CSMD1: variants seen among roughly 807,000 people sequenced by gnomAD.
CSMD1 encodes the protein CUB and Sushi multiple domains 1.
In CSMD1, 213 loss-of-function variants were observed where a neutral mutation model predicts 417.5. That is an observed-to-expected ratio of 0.51 (90% confidence interval 0.46 to 0.57). The LOEUF (loss-of-function observed/expected upper bound fraction) is 0.57, where lower values mean the gene tolerates loss of function less well. Among genes scored for constraint, CSMD1 ranks in the 20% least tolerant of loss-of-function variants. The pLI, the probability that CSMD1 is intolerant of heterozygous loss-of-function variation, is 0.00. For synonymous variants in CSMD1, 2,862 were observed against 1,736.8 expected, an observed-to-expected ratio of 1.65 and a Z score of -16.11; for missense variants, 6,923 against 4,529.7, an observed-to-expected ratio of 1.53 and a Z score of -15.17.
chr8:3,773,073 C>T (rs1283159390), intron 5 of CSMD1, among the ~76,000 whole-genome samples: 1 of 152,160 alleles, frequency 6.6e-6, no homozygotes, highest in Non-Finnish European at 1.5e-5. Context: ...GGGGCCTCTT[C>T]TATAAGGACA....
intron 10 of CSMD1, among the ~76,000 whole-genome samples, chr8:3,499,100 T>A (rs73176912): frequency 0.38 from 58,001 of 152,100 alleles, 12,000 homozygotes; most frequent in Middle Eastern, 0.49. Context: ...TATCTATACA[T>A]CTGACAAAAC....
At chr8:4,204,771 C>G (rs931338685) in intron 3 of CSMD1, among the ~76,000 whole-genome samples, 4 of 152,150 alleles carry the variant, frequency 2.6e-5, no homozygotes, top group Non-Finnish European at 5.9e-5. Context: ...CCTCCTGCCT[C>G]AGCCTCCTGA....
At chr8:3,830,538 G>A (rs1802317867) in intron 5 of CSMD1, among the ~76,000 whole-genome samples, 1 of 152,134 alleles carries the variant, frequency 6.6e-6, no homozygotes, top group African/African-American at 2.4e-5. Context: ...GTATCTCAAA[G>A]ACCTCCTGGC....
chr8:3,584,821 G>A (rs556189955), intron 9 of CSMD1, among the ~76,000 whole-genome samples: 2 of 152,254 alleles, frequency 1.3e-5, no homozygotes, highest in African/African-American at 2.4e-5. Flanking sequence ...AATAATCCAT[G>A]TGACTCGTTC....
chr8:4,526,156 G>A (rs1233683908), intron 2 of CSMD1, among the ~76,000 whole-genome samples: 1 of 152,164 alleles, frequency 6.6e-6, no homozygotes, highest in Non-Finnish European at 1.5e-5. Flanking sequence ...GTTGTTAAGA[G>A]AGAACCAACA....
intron 52 of CSMD1, among the ~76,000 whole-genome samples, chr8:3,011,015 C>T (rs623232): frequency 3.9e-5 from 6 of 152,098 alleles, no homozygotes; most frequent in Non-Finnish European, 7.3e-5. Flanking sequence ...CGTGAGCCAC[C>T]GCGCCCTGCC....
At chr8:4,322,933 C>T (rs970418301) in intron 3 of CSMD1, among the ~76,000 whole-genome samples, 2 of 152,168 alleles carry the variant, frequency 1.3e-5, no homozygotes, top group African/African-American at 4.8e-5. Flanking sequence ...TGCAGTGAGC[C>T]TAGATCGTGC....
chr8:3,689,385 A>G (rs1206603255), intron 7 of CSMD1, among the ~76,000 whole-genome samples: 1 of 152,210 alleles, frequency 6.6e-6, no homozygotes, highest in East Asian at 1.9e-4. Context: ...GAAATGCCAG[A>G]GTCCCCTTCG....
intron 5 of CSMD1, among the ~76,000 whole-genome samples, chr8:3,839,758 C>A (rs1802995205): frequency 6.6e-6 from 1 of 151,120 alleles, no homozygotes; most frequent in Non-Finnish European, 1.5e-5. Flanking sequence ...TGAGTGCTGC[C>A]ACTGCTCAGA....
At chr8:3,800,556 G>C (rs1010659454) in intron 5 of CSMD1, among the ~76,000 whole-genome samples, 8 of 152,080 alleles carry the variant, frequency 5.3e-5, no homozygotes, top group African/African-American at 1.9e-4. Flanking sequence ...GCAATGGCTT[G>C]GATATGGTTG....
intron 5 of CSMD1, among the ~76,000 whole-genome samples, chr8:3,777,996 T>A (rs1052423452): frequency 6.6e-6 from 1 of 152,148 alleles, no homozygotes; most frequent in Admixed American, 6.5e-5. Context: ...CAGTACCCAC[T>A]CCAGACCTGC....
chr8:4,097,823 C>G (rs1035568797), intron 3 of CSMD1, among the ~76,000 whole-genome samples: 1 of 152,104 alleles, frequency 6.6e-6, no homozygotes, highest in African/African-American at 2.4e-5. Context: ...TTATGTTTGC[C>G]CTGTCTATTG....
intron 1 of CSMD1, among the ~76,000 whole-genome samples, chr8:4,710,071 G>C (rs1017038379): frequency 6.6e-6 from 1 of 151,964 alleles, no homozygotes; most frequent in African/African-American, 2.4e-5. Context: ...GGAAAATCTG[G>C]GGCAAGAACA....
intron 5 of CSMD1, among the ~76,000 whole-genome samples, chr8:3,845,926 C>G (rs1313121198): frequency 2.6e-5 from 4 of 152,046 alleles, no homozygotes; most frequent in Admixed American, 6.6e-5. Flanking sequence ...ATATCACTAT[C>G]TTCCACCTTC....
chr8:3,037,115 G>A (rs1056248952), intron 50 of CSMD1, among the ~76,000 whole-genome samples: 3 of 152,082 alleles, frequency 2.0e-5, no homozygotes, highest in Admixed American at 2.0e-4. Flanking sequence ...TAGAATAATG[G>A]CCTCCAGCTC....
At chr8:4,342,360 T>C (rs972925140) in intron 3 of CSMD1, among the ~76,000 whole-genome samples, 9 of 152,118 alleles carry the variant, frequency 5.9e-5, no homozygotes, top group African/African-American at 2.2e-4. Context: ...TGTGTATACA[T>C]TCTACAGCTA....
At chr8:3,376,971 A>G (rs879825854) in intron 18 of CSMD1, among the ~76,000 whole-genome samples, 3 of 152,164 alleles carry the variant, frequency 2.0e-5, no homozygotes, top group Admixed American at 6.5e-5. Context: ...AAACTCCCAT[A>G]TCAAACTCTA....
chr8:4,350,524 A>G (rs926230837), intron 3 of CSMD1, among the ~76,000 whole-genome samples: 6 of 152,184 alleles, frequency 3.9e-5, no homozygotes, highest in Admixed American at 2.0e-4. Context: ...TCTCAGCCTG[A>G]AGGAGGTAGG....
At chr8:3,536,060 G>A (rs765107950) in intron 10 of CSMD1, among the ~76,000 whole-genome samples, 1 of 152,156 alleles carries the variant, frequency 6.6e-6, no homozygotes, top group Non-Finnish European at 1.5e-5. Flanking sequence ...ACAGGTCCTG[G>A]CCATACACAA....
Sources: gnomAD v4.1 joint callset for allele counts (sites outside exome capture counted in the v4.1 genomes callset) on GRCh38, gnomAD v4.1.1 for gene constraint, MANE v1.5 for transcripts, NCBI Gene and HGNC (gene_info 2026-07-23, HGNC 2026-07-21) for gene names.